Variants in PPM1H observed in about 807,000 individuals in gnomAD.
The protein encoded by PPM1H is protein phosphatase 1H.
Under a neutral mutation model 54.9 loss-of-function variants are expected in PPM1H, and 27 were observed. The ratio of observed to expected loss-of-function variants is 0.49; its 90% CI spans 0.36 to 0.68. The LOEUF (loss-of-function observed/expected upper bound fraction) is 0.68, where lower values mean the gene tolerates loss of function less well. Ranked by LOEUF, PPM1H falls within the 30% of genes least tolerant of loss-of-function variation. The pLI, the probability that PPM1H is intolerant of heterozygous loss-of-function variation, is 0.00. For synonymous variants in PPM1H, 305 were observed against 270.8 expected (o/e 1.13, Z -1.24); for missense variants, 596 against 667.8 (o/e 0.89, Z 1.19).
chr12:62,806,114 A>G (rs2120762779), intron 2 of PPM1H, among the ~76,000 whole-genome samples: 1 of 152,258 alleles, frequency 6.6e-6, no homozygotes, highest in South Asian at 2.1e-4. Flanking sequence ...GAGGTAAGGT[A>G]TGGATATAAC....
At chr12:62,781,081 C>A (rs959794370) in intron 4 of PPM1H, among the ~76,000 whole-genome samples, 3 of 152,118 alleles carry the variant, frequency 2.0e-5, no homozygotes, top group Non-Finnish European at 2.9e-5. Flanking sequence ...CAATGACAGA[C>A]GAAAAGTCCG....
rs547945709 is a variant in PPM1H, at chr12:62,688,043, T to C, written c.1245+1656A>G. On this transcript the variant is annotated intron_variant, in intron 8 of 9. Coordinates refer to ENST00000228705, the MANE Select transcript of PPM1H (RefSeq NM_020700.2). ...AAAAAAAAGAAACAAAAAACCTTAATTACACATTGTAGTAAATGCTATTGG... is the reference window on the plus strand; with the variant it reads ...AAAAAAAAGAAACAAAAAACCTTAACTACACATTGTAGTAAATGCTATTGG... 1.0e-3 allele frequency among the ~76,000 whole-genome samples: 152 copies of C among 151,678 alleles called. 1 individual carries two copies. Among genetic ancestry groups the C allele is most frequent in the African/African-American group, 3.6e-3 (149 of 41,322 alleles).
At chr12:62,839,874 C>CAAAA (rs746381032) in intron 1 of PPM1H, among the ~76,000 whole-genome samples, 8 of 84,226 alleles carry the variant, frequency 9.5e-5, no homozygotes, top group African/African-American at 3.0e-4. Flanking sequence ...CCTGTTTCTA[C>CAAAA]AAAAAAAAAA....
intron 4 of PPM1H, among the ~76,000 whole-genome samples, chr12:62,781,039 G>A (rs1404413613): frequency 2.0e-5 from 3 of 152,194 alleles, no homozygotes; most frequent in East Asian, 3.9e-4. Flanking sequence ...GTTGGAATGG[G>A]GAACTACAAC....
At chr12:62,813,416 C>G (rs949370673) in intron 2 of PPM1H, among the ~76,000 whole-genome samples, 1 of 152,160 alleles carries the variant, frequency 6.6e-6, no homozygotes, top group Non-Finnish European at 1.5e-5. Flanking sequence ...ACACTGGCGC[C>G]CTCGCGTGGT....
intron 1 of PPM1H, among the ~76,000 whole-genome samples, chr12:62,919,535 A>C (rs1871726314): frequency 6.6e-6 from 1 of 152,202 alleles, no homozygotes. Context: ...TCAGTTCAAT[A>C]TGATTTTCAC....
At chr12:62,773,831 A>C (rs1464035169) in intron 4 of PPM1H, among the ~76,000 whole-genome samples, 2 of 152,182 alleles carry the variant, frequency 1.3e-5, no homozygotes, top group African/African-American at 4.8e-5. Flanking sequence ...GATTTCGGGA[A>C]ACTGCTGAAG....
chr12:62,773,560 C>T (rs1349429430), intron 4 of PPM1H, among the ~76,000 whole-genome samples: 5 of 152,112 alleles, frequency 3.3e-5, no homozygotes, highest in Admixed American at 3.3e-4. Context: ...GATGTAATAT[C>T]AAGGGAAAGG....
At chr12:62,780,430 A>T (rs2076635104) in intron 4 of PPM1H, among the ~76,000 whole-genome samples, 2 of 152,188 alleles carry the variant, frequency 1.3e-5, no homozygotes, top group Non-Finnish European at 2.9e-5. Context: ...CCTCCTGAGT[A>T]GCTGGGACCA....
chr12:62,877,706 G>A (rs1870227657), intron 1 of PPM1H, among the ~76,000 whole-genome samples: 1 of 152,100 alleles, frequency 6.6e-6, no homozygotes, highest in South Asian at 2.1e-4. Flanking sequence ...GTTCCACCTG[G>A]CACAGCCACA....
chr12:62,649,611 T>C (rs1280734423), intron 9 of PPM1H, among the ~76,000 whole-genome samples: 1 of 152,228 alleles, frequency 6.6e-6, no homozygotes, highest in Non-Finnish European at 1.5e-5. Flanking sequence ...ATGGACTATT[T>C]TCTTAGTCTA....
At chr12:62,892,110 C>CA (rs1337789904) in intron 1 of PPM1H, among the ~76,000 whole-genome samples, 2 of 152,072 alleles carry the variant, frequency 1.3e-5, no homozygotes, top group Non-Finnish European at 2.9e-5. Flanking sequence ...TTTAACATTT[C>CA]AAAAAAAATT....
At chr12:62,900,840 G>T (rs995072394) in intron 1 of PPM1H, among the ~76,000 whole-genome samples, 5 of 152,192 alleles carry the variant, frequency 3.3e-5, no homozygotes, top group Non-Finnish European at 4.4e-5. Context: ...ATACCCAATT[G>T]CTATGCTGAC....
At chr12:62,738,315 G>T (rs879529700) in intron 4 of PPM1H, among the ~76,000 whole-genome samples, 1 of 152,020 alleles carries the variant, frequency 6.6e-6, no homozygotes, top group African/African-American at 2.4e-5. Context: ...GTCTGAGAAT[G>T]TGTGGCCTAC....
chr12:62,839,504 C>T (rs1309621979), intron 1 of PPM1H, among the ~76,000 whole-genome samples: 3 of 151,862 alleles, frequency 2.0e-5, no homozygotes, highest in African/African-American at 7.2e-5. Context: ...TCAGCTGGAC[C>T]TGAGGAGAGG....
chr12:62,811,640 G>T (rs1459849370), intron 2 of PPM1H, among the ~76,000 whole-genome samples: 1 of 152,090 alleles, frequency 6.6e-6, no homozygotes, highest in Admixed American at 6.6e-5. Flanking sequence ...TCATGGGGGT[G>T]GTCACCTCCA....
At chr12:62,903,378 C>T (rs867955122) in intron 1 of PPM1H, among the ~76,000 whole-genome samples, 4 of 152,242 alleles carry the variant, frequency 2.6e-5, no homozygotes, top group Admixed American at 6.5e-5. Context: ...GCACATGCAC[C>T]GTCCAGAAAT....
chr12:62,648,658 G>A (rs370415291), intron 9 of PPM1H, 22 bp from the exon 10 acceptor site: 15 of 1,612,328 alleles, frequency 9.3e-6, no homozygotes, highest in Middle Eastern at 3.5e-4. Context: ...AACCAGGAAC[G>A]AGACAGTCAG....
At chr12:62,781,558 T>G (rs1264601927) in intron 4 of PPM1H, among the ~76,000 whole-genome samples, 1 of 152,232 alleles carries the variant, frequency 6.6e-6, no homozygotes, top group Non-Finnish European at 1.5e-5. Flanking sequence ...ATTCTTAAAC[T>G]TGAGCATGCA....
Sources: allele counts gnomAD v4.1 joint callset (sites outside exome capture counted in the v4.1 genomes callset), GRCh38; gene constraint gnomAD v4.1.1; transcripts MANE v1.5; gene names NCBI Gene and HGNC (gene_info 2026-07-23, HGNC 2026-07-21).